Variants in ADCY2 observed in about 807,000 individuals in gnomAD.
ADCY2 encodes the protein adenylate cyclase type 2.
Under a neutral mutation model 125.2 loss-of-function variants are expected in ADCY2, and 31 were observed. The ratio of observed to expected loss-of-function variants is 0.25; its 90% confidence interval spans 0.19 to 0.33. The LOEUF is 0.33. Among genes scored for constraint, ADCY2 ranks in the 10% least tolerant of loss-of-function variants. The probability of loss-of-function intolerance (pLI) is 1.00; values close to 1 mark genes in which losing one functional copy is unlikely to be tolerated. For missense variants in ADCY2, 904 were observed against 1,418.2 expected, an observed-to-expected ratio of 0.64 and a Z score of 5.82; for synonymous variants, 512 against 548.4, an observed-to-expected ratio of 0.93 and a Z score of 0.93.
intron 1 of ADCY2, among the ~76,000 whole-genome samples, chr5:7,412,319 G>A (rs1450407625): frequency 6.6e-6 from 1 of 152,196 alleles, no homozygotes; most frequent in East Asian, 1.9e-4. Context: ...GTCATACTAG[G>A]AAATAGGTTT....
At chr5:7,745,419 C>T (rs1742566471) in intron 15 of ADCY2, among the ~76,000 whole-genome samples, 1 of 152,218 alleles carries the variant, frequency 6.6e-6, no homozygotes, top group South Asian at 2.1e-4. Context: ...GTGGCTTCTG[C>T]TTTACCCAAA....
chr5:7,805,837 T>C (rs1276552797), intron 22 of ADCY2, among the ~76,000 whole-genome samples: 1 of 152,240 alleles, frequency 6.6e-6, no homozygotes, highest in Non-Finnish European at 1.5e-5. Flanking sequence ...GATAGACGTC[T>C]GACTCAAGAT....
intron 2 of ADCY2, among the ~76,000 whole-genome samples, chr5:7,465,405 C>T (rs1742078783): frequency 6.6e-6 from 1 of 152,128 alleles, no homozygotes; most frequent in African/African-American, 2.4e-5. Context: ...CCTTGTTGTT[C>T]AAAGTAAGCC....
intron 1 of ADCY2, among the ~76,000 whole-genome samples, chr5:7,403,310 T>A (rs1739340077): frequency 6.6e-6 from 1 of 152,162 alleles, no homozygotes; most frequent in Non-Finnish European, 1.5e-5. Flanking sequence ...AATACGGAGA[T>A]CAGGTTAATG....
At chr5:7,766,164 C>T (rs2126472949) in intron 16 of ADCY2, among the ~76,000 whole-genome samples, 1 of 152,156 alleles carries the variant, frequency 6.6e-6, no homozygotes. Flanking sequence ...TTCTGAGTTG[C>T]CAGGCACTCA....
At chr5:7,788,819 T>G (rs1744163761) in intron 19 of ADCY2, among the ~76,000 whole-genome samples, 1 of 152,210 alleles carries the variant, frequency 6.6e-6, no homozygotes, top group African/African-American at 2.4e-5. Context: ...TAAGTGACTA[T>G]CTGTGTGAAA....
At chr5:7,799,753 T>C (rs1744534131) in intron 20 of ADCY2, 1 of 152,298 alleles carries the variant, frequency 6.6e-6, no homozygotes, top group African/African-American at 2.4e-5. Flanking sequence ...ATGCCTGCGC[T>C]TGGAGCCCAG....
intron 2 of ADCY2, among the ~76,000 whole-genome samples, chr5:7,461,253 G>A (rs558012376): frequency 2.0e-5 from 3 of 152,270 alleles, no homozygotes; most frequent in Non-Finnish European, 4.4e-5. Context: ...TATCAGGAAG[G>A]GACTAGGGAG....
chr5:7,723,438 G>A (rs552642192), intron 12 of ADCY2, among the ~76,000 whole-genome samples: 19 of 152,260 alleles, frequency 1.2e-4, no homozygotes, highest in Admixed American at 4.6e-4. Context: ...GCCTGGCAGT[G>A]AGAGTCTTCC....
chr5:7,763,541 AC>A (rs1743299033), intron 16 of ADCY2, among the ~76,000 whole-genome samples: 1 of 152,026 alleles, frequency 6.6e-6, no homozygotes, highest in Non-Finnish European at 1.5e-5. Flanking sequence ...CATTTTCCCT[AC>A]AGCAACTGTG....
At chr5:7,645,731 A>G (rs2126677691) in intron 4 of ADCY2, among the ~76,000 whole-genome samples, 1 of 152,306 alleles carries the variant, frequency 6.6e-6, no homozygotes, top group East Asian at 1.9e-4. Flanking sequence ...GTCTTCACTT[A>G]TTCAACAGGC....
At chr5:7,483,252 A>G (rs114270817) in intron 2 of ADCY2, among the ~76,000 whole-genome samples, 2,356 of 152,288 alleles carry the variant, frequency 0.015, 68 homozygotes, top group African/African-American at 0.054. Context: ...TATTATATGC[A>G]TGTATCAGAA....
At chr5:7,730,837 G>A (rs1742077987) in intron 14 of ADCY2, among the ~76,000 whole-genome samples, 1 of 20,624 alleles carries the variant, frequency 4.8e-5, no homozygotes. Context: ...GGGTCGGGGG[G>A]CGGTATTTTC....
At chr5:7,541,427 G>A (rs1734989021) in intron 3 of ADCY2, among the ~76,000 whole-genome samples, 1 of 152,236 alleles carries the variant, frequency 6.6e-6, no homozygotes, top group South Asian at 2.1e-4. Context: ...ACAGTGGGCT[G>A]TTTAATCAGG....
intron 22 of ADCY2, among the ~76,000 whole-genome samples, chr5:7,815,298 A>G (rs1039251735): frequency 3.9e-5 from 6 of 152,178 alleles, no homozygotes; most frequent in African/African-American, 1.4e-4. Context: ...CTCACAAACC[A>G]GTGAGGGATG....
intron 2 of ADCY2, among the ~76,000 whole-genome samples, chr5:7,504,596 C>T (rs1038024984): frequency 1.3e-5 from 2 of 151,222 alleles, no homozygotes; most frequent in Non-Finnish European, 2.9e-5. Flanking sequence ...CTTTCTTTCT[C>T]TCTCTCTTTC....
intron 20 of ADCY2, among the ~76,000 whole-genome samples, chr5:7,791,137 G>A (rs752264470): frequency 4.6e-5 from 7 of 152,132 alleles, no homozygotes; most frequent in African/African-American, 1.2e-4. Context: ...GGGGTGCTCC[G>A]TGGCCCTTCT....
intron 17 of ADCY2, among the ~76,000 whole-genome samples, chr5:7,768,943 C>T (rs528709580): frequency 4.6e-5 from 7 of 152,240 alleles, no homozygotes; most frequent in African/African-American, 9.6e-5. Context: ...TGGCTTCCTC[C>T]CTAAAGGATC....
chr5:7,718,439 C>T (rs546043912), intron 12 of ADCY2, among the ~76,000 whole-genome samples: 11 of 152,236 alleles, frequency 7.2e-5, no homozygotes, highest in South Asian at 4.1e-4. Flanking sequence ...TGAGCCACCA[C>T]GCCCGGCCTT....
Sources: gnomAD v4.1 joint callset for allele counts (sites outside exome capture counted in the v4.1 genomes callset) on GRCh38, gnomAD v4.1.1 for gene constraint, MANE v1.5 for transcripts, NCBI Gene and HGNC (gene_info 2026-07-23, HGNC 2026-07-21) for gene names.